The following NOVA1 variants were observed in gnomAD, a reference collection of about 807,000 sequenced individuals.
NOVA1 encodes NOVA alternative splicing regulator 1, also known as RNA-binding protein Nova-1.
A neutral mutation model predicts 38.0 loss-of-function variants in NOVA1; 7 were observed. The observed-to-expected ratio is 0.18, with a 90% CI of 0.10 to 0.35. The LOEUF is 0.35. Among genes scored for constraint, NOVA1 ranks in the 10% least tolerant of loss-of-function variants. The pLI is 1.00. For synonymous variants in NOVA1, 270 were observed against 232.5 expected (o/e 1.16, Z -1.47); for missense variants, 460 against 616.0 (o/e 0.75, Z 2.68).
At chr14:26,533,954 T>C (rs1889898354) in intron 2 of NOVA1, among the ~76,000 whole-genome samples, 1 of 152,204 alleles carries the variant, frequency 6.6e-6, no homozygotes, top group South Asian at 2.1e-4. Context: ...GTGCTCAGAC[T>C]GCTGTATGTG....
intron 2 of NOVA1, among the ~76,000 whole-genome samples, chr14:26,539,865 C>G (rs1347113185): frequency 3.0e-5 from 4 of 133,914 alleles, no homozygotes; most frequent in Admixed American, 2.9e-4. Flanking sequence ...TAATAAGAGG[C>G]AAAGGAAAAA....
intron 4 of NOVA1, among the ~76,000 whole-genome samples, chr14:26,458,498 G>A (rs1883364063): frequency 6.6e-6 from 1 of 152,082 alleles, no homozygotes; most frequent in Admixed American, 6.6e-5. Flanking sequence ...CTATACAGTT[G>A]TAAAAAGGAA....
chr14:26,521,897 A>T (rs1342289619), intron 2 of NOVA1, among the ~76,000 whole-genome samples: 1 of 152,122 alleles, frequency 6.6e-6, no homozygotes, highest in East Asian at 1.9e-4. Flanking sequence ...AACCAAGAAC[A>T]GCAAACAGAT....
intron 2 of NOVA1, among the ~76,000 whole-genome samples, chr14:26,533,866 G>T (rs178173): frequency 0.95 from 143,899 of 152,228 alleles, 68,518 homozygotes; most frequent in East Asian, 1. Flanking sequence ...CTGAGAACAA[G>T]GTAAATTATC....
chr14:26,486,451 T>C (rs1302099433), intron 2 of NOVA1, among the ~76,000 whole-genome samples: 1 of 151,894 alleles, frequency 6.6e-6, no homozygotes, highest in African/African-American at 2.4e-5. Flanking sequence ...GGCTCACGCT[T>C]GTAATCCCAA....
chr14:26,596,434 G>T, intron 1 of NOVA1: 1 of 734,992 alleles, frequency 1.4e-6, no homozygotes, highest in Non-Finnish European at 1.9e-6. Flanking sequence ...TTTAATTTCC[G>T]TCAACTTGAT....
chr14:26,460,644 A>T, intron 4 of NOVA1, among the ~76,000 whole-genome samples: 1 of 152,136 alleles, frequency 6.6e-6, no homozygotes, highest in East Asian at 1.9e-4. Context: ...GAAAAATTCA[A>T]TGATAAAAAA....
intron 2 of NOVA1, chr14:26,593,545 C>T (rs1252621704): frequency 6.6e-6 from 1 of 151,806 alleles, no homozygotes; most frequent in East Asian, 1.9e-4. Flanking sequence ...CTTCTTTTAT[C>T]CAACATTTCA....
At chr14:26,449,214 A>G (rs552680815) in intron 4 of NOVA1, among the ~76,000 whole-genome samples, 36 of 152,268 alleles carry the variant, frequency 2.4e-4, no homozygotes, top group African/African-American at 8.7e-4. Flanking sequence ...AGTCACTGTG[A>G]ATTTTGCAAC....
intron 2 of NOVA1, among the ~76,000 whole-genome samples, chr14:26,554,497 T>C (rs1891365079): frequency 6.6e-6 from 1 of 152,116 alleles, no homozygotes; most frequent in African/African-American, 2.4e-5. Context: ...GAGTTATAGG[T>C]TGGCTATGAG....
intron 2 of NOVA1, among the ~76,000 whole-genome samples, chr14:26,539,528 T>G (rs1205091456): frequency 1.4e-5 from 2 of 139,132 alleles, no homozygotes; most frequent in Non-Finnish European, 3.1e-5. Flanking sequence ...TAAGAGCTCT[T>G]ATGTATATAT....
At chr14:26,451,642 G>C (rs1430586769) in intron 4 of NOVA1, among the ~76,000 whole-genome samples, 1 of 151,804 alleles carries the variant, frequency 6.6e-6, no homozygotes, top group Non-Finnish European at 1.5e-5. Context: ...CAAAATGCTG[G>C]GATTACAACC....
intron 2 of NOVA1, among the ~76,000 whole-genome samples, chr14:26,573,458 T>C (rs776933171): frequency 5.3e-5 from 8 of 151,884 alleles, no homozygotes; most frequent in Non-Finnish European, 1.0e-4. Flanking sequence ...TAATTTTGTA[T>C]AAAATAAGAA....
At chr14:26,565,400 C>T (rs1366351139) in intron 2 of NOVA1, among the ~76,000 whole-genome samples, 1 of 152,156 alleles carries the variant, frequency 6.6e-6, no homozygotes, top group East Asian at 1.9e-4. Context: ...TTTCGTGTCC[C>T]TCAGATGACT....
chr14:26,491,018 T>C (rs1886300021), intron 2 of NOVA1, among the ~76,000 whole-genome samples: 4 of 151,660 alleles, frequency 2.6e-5, no homozygotes, highest in Admixed American at 2.6e-4. Context: ...CCCGGATAAT[T>C]TTTTTGTATT....
chr14:26,523,104 T>C (rs929638341), intron 2 of NOVA1, among the ~76,000 whole-genome samples: 4 of 152,198 alleles, frequency 2.6e-5, no homozygotes, highest in African/African-American at 7.2e-5. Context: ...TAAAGTTTAT[T>C]TTCTCTGGAT....
intron 4 of NOVA1, among the ~76,000 whole-genome samples, chr14:26,458,886 T>TA: frequency 6.6e-6 from 1 of 152,190 alleles, no homozygotes; most frequent in South Asian, 2.1e-4. Context: ...GACAACATGT[T>TA]AGTGTTTTAA....
At chr14:26,573,720 AG>A (rs544724149) in intron 2 of NOVA1, among the ~76,000 whole-genome samples, 280 of 152,318 alleles carry the variant, frequency 1.8e-3, no homozygotes, top group African/African-American at 6.0e-3. Context: ...ACATTTACAG[AG>A]TATAAATCTG....
intron 2 of NOVA1, among the ~76,000 whole-genome samples, chr14:26,524,776 A>G (rs547459569): frequency 6.6e-6 from 1 of 152,308 alleles, no homozygotes; most frequent in Non-Finnish European, 1.5e-5. Flanking sequence ...AGAGCCCCCA[A>G]GGGCATAACT....
Sources: gnomAD v4.1 joint callset for allele counts (sites outside exome capture counted in the v4.1 genomes callset) on GRCh38, gnomAD v4.1.1 for gene constraint, MANE v1.5 for transcripts, NCBI Gene and HGNC (gene_info 2026-07-23, HGNC 2026-07-21) for gene names.